The following KCND3 variants were observed in gnomAD, a reference collection of about 807,000 sequenced individuals.
KCND3 encodes the protein potassium voltage-gated channel subfamily D member 3.
Under a neutral mutation model 51.1 loss-of-function variants are expected in KCND3, and 9 were observed. The observed-to-expected ratio is 0.18, with a 90% CI of 0.11 to 0.31. The LOEUF is 0.31. Ranked by LOEUF, KCND3 falls within the 10% of genes least tolerant of loss-of-function variation. KCND3 has a pLI of 1.00. For synonymous variants in KCND3, 349 were observed against 368.0 expected (o/e 0.95, Z 0.59); for missense variants, 526 against 903.8 (o/e 0.58, Z 5.36).
intron 2 of KCND3, among the ~76,000 whole-genome samples, chr1:111,911,364 G>A (rs1670936432): frequency 6.6e-6 from 1 of 152,148 alleles, no homozygotes. Context: ...CGGAGGAGTA[G>A]GTAAAAAAGT....
At chr1:111,926,359 C>A (rs1261878760) in intron 2 of KCND3, among the ~76,000 whole-genome samples, 1 of 152,226 alleles carries the variant, frequency 6.6e-6, no homozygotes, top group Non-Finnish European at 1.5e-5. Context: ...TACATGATAT[C>A]ATTTGAACTC....
intron 2 of KCND3, among the ~76,000 whole-genome samples, chr1:111,922,153 TG>T (rs1269329353): frequency 6.6e-6 from 1 of 152,226 alleles, no homozygotes; most frequent in Non-Finnish European, 1.5e-5. Context: ...GATGCCATTA[TG>T]AACCCATGGC....
intron 2 of KCND3, among the ~76,000 whole-genome samples, chr1:111,823,423 G>A (rs1414856191): frequency 6.6e-6 from 1 of 152,058 alleles, no homozygotes; most frequent in Non-Finnish European, 1.5e-5. Flanking sequence ...ATCCATCACA[G>A]CTCTGCAGAT....
chr1:111,915,380 A>G (rs1454270746), intron 2 of KCND3, among the ~76,000 whole-genome samples: 1 of 152,186 alleles, frequency 6.6e-6, no homozygotes. Context: ...ATCGGCAAGA[A>G]ACACACTTTA....
rs966131055 is a variant in KCND3, at chr1:111,775,989, G to T, written c.*88C>A. On this transcript the variant is annotated 3_prime_UTR_variant, in exon 8 of 8. Coordinates refer to ENST00000302127, the MANE Select transcript of KCND3 (RefSeq NM_001378969.1). ...GGGCAGGCAGAAATAGTGGGGAAAG[G>T]GGGGAGGGAGTGGTCTCAGTGACCA... 7.3e-6 allele frequency: 10 copies of T among 1,364,756 alleles called. No homozygotes were observed. The highest frequency in any genetic ancestry group is 1.0e-5 in the Non-Finnish European group (10 of 955,900). The allele number at this position is 1,364,756 out of a possible 1,614,324, so 84.5% of individuals were successfully genotyped here.
At chr1:111,912,574 C>A (rs1259474957) in intron 2 of KCND3, among the ~76,000 whole-genome samples, 1 of 152,090 alleles carries the variant, frequency 6.6e-6, no homozygotes, top group Non-Finnish European at 1.5e-5. Flanking sequence ...ATGAAGAAGG[C>A]ATTGTTATCA....
intron 2 of KCND3, among the ~76,000 whole-genome samples, chr1:111,822,415 A>G (rs760933826): frequency 1.3e-5 from 2 of 152,046 alleles, no homozygotes; most frequent in Admixed American, 6.5e-5. Context: ...TTCTCTCTCT[A>G]TGAATTTGAC....
At chr1:111,871,455 C>T in intron 2 of KCND3, among the ~76,000 whole-genome samples, 1 of 152,080 alleles carries the variant, frequency 6.6e-6, no homozygotes, top group African/African-American at 2.4e-5. Context: ...GAGGAGTCAG[C>T]TTGTGTGACA....
At chr1:111,797,093 T>C (rs1665087380) in intron 2 of KCND3, among the ~76,000 whole-genome samples, 1 of 152,230 alleles carries the variant, frequency 6.6e-6, no homozygotes, top group Non-Finnish European at 1.5e-5. Context: ...CGATAAAACA[T>C]AGATTGCTGG....
intron 2 of KCND3, among the ~76,000 whole-genome samples, chr1:111,899,749 G>A (rs1670293502): frequency 6.6e-6 from 1 of 152,184 alleles, no homozygotes; most frequent in South Asian, 2.1e-4. Flanking sequence ...AGGAAGGCAG[G>A]GAACAGAGCT....
At chr1:111,900,689 G>A (rs1026422108) in intron 2 of KCND3, among the ~76,000 whole-genome samples, 70 of 152,292 alleles carry the variant, frequency 4.6e-4, no homozygotes, top group African/African-American at 1.5e-3. Context: ...CAGGCGCAGT[G>A]GCTCATGCCT....
At chr1:111,790,141 C>T (rs1296652752) in intron 2 of KCND3, among the ~76,000 whole-genome samples, 1 of 152,078 alleles carries the variant, frequency 6.6e-6, no homozygotes, top group Non-Finnish European at 1.5e-5. Context: ...GGCAGCATGG[C>T]CTAATAATTA....
chr1:111,775,838 CTTCCT>C lies in KCND3; in HGVS notation c.*234_*238del. 6.5e-5 allele frequency: 12 copies of C among 184,830 alleles called. No homozygotes were observed. The highest frequency in any genetic ancestry group is 3.1e-4 in the East Asian group (2 of 6,394). 11.4% of individuals were successfully genotyped at this position (184,830 alleles called of 1,614,324 possible). Reference sequence around the variant, plus strand: ...TCCCCGACCCCCCCACCCTCCCTCCCTTCCTCTGGCCCCAGTGAGATGCAGTATCA... The same window carrying C: ...TCCCCGACCCCCCCACCCTCCCTCCCCTGGCCCCAGTGAGATGCAGTATCA... On this transcript the variant is annotated 3_prime_UTR_variant, in exon 8 of 8. Coordinates refer to ENST00000302127, the MANE Select transcript of KCND3 (RefSeq NM_001378969.1).
At chr1:111,920,899 C>T (rs1288336178) in intron 2 of KCND3, among the ~76,000 whole-genome samples, 1 of 152,228 alleles carries the variant, frequency 6.6e-6, no homozygotes, top group African/African-American at 2.4e-5. Flanking sequence ...CTCCCCTGGC[C>T]CCAGCAGGGA....
intron 2 of KCND3, among the ~76,000 whole-genome samples, chr1:111,896,698 TAC>T (rs1475722363): frequency 6.6e-6 from 1 of 152,222 alleles, no homozygotes; most frequent in Non-Finnish European, 1.5e-5. Context: ...GTACAAACTC[TAC>T]AGTGTCAGGC....
intron 2 of KCND3, among the ~76,000 whole-genome samples, chr1:111,946,146 A>AGTGCAACAAAGTGTTATCAAGGCT (rs1672767025): frequency 6.6e-6 from 1 of 152,240 alleles, no homozygotes; most frequent in Non-Finnish European, 1.5e-5. Context: ...GTTATATGTA[A>AGTGCAACAAAGTGTTATCAAGGCT]GTGCAACAAA....
chr1:111,938,448 G>T (rs990015512), intron 2 of KCND3, among the ~76,000 whole-genome samples: 2 of 152,188 alleles, frequency 1.3e-5, no homozygotes, highest in African/African-American at 4.8e-5. Flanking sequence ...AAGCAGTGAA[G>T]TCCCTGCTTT....
chr1:111,880,385 G>A (rs756705915), intron 2 of KCND3, among the ~76,000 whole-genome samples: 3 of 152,124 alleles, frequency 2.0e-5, no homozygotes, highest in Admixed American at 1.3e-4. Context: ...AGGGTGGGGC[G>A]CCATGGAGAG....
intron 1 of KCND3, among the ~76,000 whole-genome samples, chr1:111,988,430 G>A (rs1308758729): frequency 6.6e-6 from 1 of 152,018 alleles, no homozygotes; most frequent in Non-Finnish European, 1.5e-5. Context: ...TTCTCTGGGG[G>A]GTCCCTTGTA....
Sources: allele counts gnomAD v4.1 joint callset (sites outside exome capture counted in the v4.1 genomes callset), GRCh38; gene constraint gnomAD v4.1.1; transcripts MANE v1.5; gene names NCBI Gene and HGNC (gene_info 2026-07-23, HGNC 2026-07-21).